The following PTPRT variants were observed in gnomAD, a reference collection of about 807,000 sequenced individuals.
The protein encoded by PTPRT is receptor-type tyrosine-protein phosphatase T.
PTPRT carries 56 observed loss-of-function variants against 176.8 expected under a neutral mutation model. The observed-to-expected ratio is 0.32, with a 90% CI of 0.26 to 0.40. The LOEUF is 0.40. Ranked by LOEUF, PTPRT falls within the 10% of genes least tolerant of loss-of-function variation. The pLI is 1.00. For missense variants in PTPRT, 1,540 were observed against 1,908.2 expected (o/e 0.81, Z 3.60); for synonymous variants, 783 against 739.0 (o/e 1.06, Z -0.96).
chr20:43,164,608 C>A (rs1400156253), intron 1 of PTPRT, among the ~76,000 whole-genome samples: 2 of 152,208 alleles, frequency 1.3e-5, no homozygotes, highest in East Asian at 3.8e-4. Flanking sequence ...AGGTAACTAA[C>A]ACAGTGCCCA....
At chr20:42,346,575 C>T (rs34808584) in intron 11 of PTPRT, among the ~76,000 whole-genome samples, 14,762 of 152,202 alleles carry the variant, frequency 0.097, 859 homozygotes, top group Non-Finnish European at 0.14. Flanking sequence ...GGCCAAGCTG[C>T]TGAGGTGGTT....
chr20:42,499,480 C>T (rs748752877), intron 7 of PTPRT, among the ~76,000 whole-genome samples: 4 of 151,868 alleles, frequency 2.6e-5, no homozygotes, highest in South Asian at 2.1e-4. Flanking sequence ...TTAGTACAGA[C>T]GCAGTTTCAC....
At chr20:42,221,910 C>T (rs973283106) in intron 15 of PTPRT, among the ~76,000 whole-genome samples, 13 of 152,220 alleles carry the variant, frequency 8.5e-5, no homozygotes, top group Non-Finnish European at 4.4e-5. Context: ...AAGATCCAGT[C>T]AGCTCCCACC....
chr20:42,124,784 C>T (rs566150076), intron 19 of PTPRT, among the ~76,000 whole-genome samples: 57 of 152,262 alleles, frequency 3.7e-4, no homozygotes, highest in African/African-American at 1.3e-3. Context: ...AATGGAGTTC[C>T]TCTACTCTTC....
At chr20:43,002,071 C>T (rs964148363) in intron 1 of PTPRT, among the ~76,000 whole-genome samples, 2 of 152,146 alleles carry the variant, frequency 1.3e-5, no homozygotes, top group African/African-American at 4.8e-5. Context: ...TAGTGAGTCT[C>T]ACGAGATCTG....
intron 1 of PTPRT, among the ~76,000 whole-genome samples, chr20:42,918,962 T>C (rs907996321): frequency 6.6e-6 from 1 of 152,158 alleles, no homozygotes; most frequent in Non-Finnish European, 1.5e-5. Context: ...GCACCACCTA[T>C]GCAACTCACT....
intron 12 of PTPRT, among the ~76,000 whole-genome samples, chr20:42,284,029 C>T (rs1424256713): frequency 6.6e-6 from 1 of 151,968 alleles, no homozygotes; most frequent in East Asian, 1.9e-4. Context: ...AAAGATGGTT[C>T]TCGGGCTCAT....
At chr20:42,629,279 TTTAAG>T (rs1209614716) in intron 7 of PTPRT, among the ~76,000 whole-genome samples, 1 of 152,040 alleles carries the variant, frequency 6.6e-6, no homozygotes, top group Non-Finnish European at 1.5e-5. Flanking sequence ...TCTTCTCCAG[TTTAAG>T]TAATTACATT....
intron 16 of PTPRT, among the ~76,000 whole-genome samples, chr20:42,182,346 A>C (rs1470538412): frequency 1.3e-5 from 2 of 152,214 alleles, no homozygotes; most frequent in Non-Finnish European, 2.9e-5. Context: ...AAAGATAGTG[A>C]GTTATTGGTA....
chr20:42,644,052 T>C (rs2074828176), intron 7 of PTPRT, among the ~76,000 whole-genome samples: 1 of 152,122 alleles, frequency 6.6e-6, no homozygotes, highest in Non-Finnish European at 1.5e-5. Context: ...GGCTGTGTGA[T>C]GGGCCTGAAG....
chr20:42,298,717 T>A (rs1255566602), intron 12 of PTPRT, among the ~76,000 whole-genome samples: 1 of 152,110 alleles, frequency 6.6e-6, no homozygotes, highest in African/African-American at 2.4e-5. Flanking sequence ...GGTCAGGAGA[T>A]AGAGACCATC....
intron 11 of PTPRT, among the ~76,000 whole-genome samples, chr20:42,347,880 C>T (rs2145501429): frequency 6.6e-6 from 1 of 152,242 alleles, no homozygotes; most frequent in African/African-American, 2.4e-5. Context: ...TTCAGTGACA[C>T]TTTTTTTGCT....
chr20:42,178,275 G>T (rs1310848695), intron 16 of PTPRT, among the ~76,000 whole-genome samples: 2 of 152,192 alleles, frequency 1.3e-5, no homozygotes, highest in Admixed American at 6.5e-5. Flanking sequence ...AGCCTCTGAA[G>T]AATCCTAGTG....
chr20:42,890,502 A>G (rs1418060137), intron 1 of PTPRT, among the ~76,000 whole-genome samples: 3 of 152,204 alleles, frequency 2.0e-5, no homozygotes, highest in Middle Eastern at 3.2e-3. Context: ...AGAAATCCAG[A>G]GATTCAGAAA....
intron 1 of PTPRT, among the ~76,000 whole-genome samples, chr20:43,137,183 G>A (rs1046026779): frequency 2.0e-5 from 3 of 152,132 alleles, no homozygotes; most frequent in Non-Finnish European, 4.4e-5. Flanking sequence ...GGGCCCAGAA[G>A]GGTGAGGCAG....
At chr20:42,943,905 G>A (rs1165361999) in intron 1 of PTPRT, among the ~76,000 whole-genome samples, 1 of 152,132 alleles carries the variant, frequency 6.6e-6, no homozygotes, top group Non-Finnish European at 1.5e-5. Context: ...TGCAGTCCCA[G>A]CTACTTAGGA....
At chr20:42,518,637 G>A (rs370526454) in intron 7 of PTPRT, among the ~76,000 whole-genome samples, 7 of 152,082 alleles carry the variant, frequency 4.6e-5, no homozygotes, top group Admixed American at 1.3e-4. Context: ...TTGTGTGTGC[G>A]CACGTGCGTG....
chr20:42,144,233 A>G (rs1988762704), intron 17 of PTPRT, among the ~76,000 whole-genome samples: 1 of 152,190 alleles, frequency 6.6e-6, no homozygotes, highest in South Asian at 2.1e-4. Flanking sequence ...ATTGAGATGG[A>G]GAAGCCTGGG....
At chr20:42,627,096 C>T (rs111923606) in intron 7 of PTPRT, among the ~76,000 whole-genome samples, 1 of 152,152 alleles carries the variant, frequency 6.6e-6, no homozygotes, top group Non-Finnish European at 1.5e-5. Flanking sequence ...GATGACCGGG[C>T]ACATCTAGGA....
Sources: gnomAD v4.1 joint callset for allele counts (sites outside exome capture counted in the v4.1 genomes callset) on GRCh38, gnomAD v4.1.1 for gene constraint, MANE v1.5 for transcripts, NCBI Gene and HGNC (gene_info 2026-07-23, HGNC 2026-07-21) for gene names.